ARHGAP26: variants seen among roughly 807,000 people sequenced by gnomAD.
ARHGAP26 encodes the protein Rho GTPase activating protein 26.
A neutral mutation model predicts 104.8 loss-of-function variants in ARHGAP26; 38 were observed. The ratio of observed to expected loss-of-function variants is 0.36; its 90% confidence interval spans 0.28 to 0.48. The LOEUF is 0.48. ARHGAP26 is among the 20% of genes least tolerant of loss of function. The pLI, the probability that ARHGAP26 is intolerant of heterozygous loss-of-function variation, is 0.99. For synonymous variants in ARHGAP26, 341 were observed against 340.0 expected, an observed-to-expected ratio of 1.00 and a Z score of -0.03; for missense variants, 704 against 947.9, an observed-to-expected ratio of 0.74 and a Z score of 3.38.
intron 1 of ARHGAP26, among the ~76,000 whole-genome samples, chr5:142,838,416 A>G (rs1038672766): frequency 6.6e-6 from 1 of 152,174 alleles, no homozygotes; most frequent in African/African-American, 2.4e-5. Flanking sequence ...ATACAAAGGA[A>G]GTTAATTTTA....
At chr5:143,023,929 C>G (rs1780683064) in intron 12 of ARHGAP26, among the ~76,000 whole-genome samples, 1 of 152,228 alleles carries the variant, frequency 6.6e-6, no homozygotes. Context: ...CATGCAGTTT[C>G]CGTGGCCACC....
chr5:143,149,660 G>T (rs144939960), intron 20 of ARHGAP26, among the ~76,000 whole-genome samples: 1 of 152,138 alleles, frequency 6.6e-6, no homozygotes, highest in African/African-American at 2.4e-5. Context: ...CACCTGAGAC[G>T]ACTTGGGTCT....
chr5:142,819,350 A>G (rs1195341856), intron 1 of ARHGAP26, among the ~76,000 whole-genome samples: 1 of 152,184 alleles, frequency 6.6e-6, no homozygotes, highest in Non-Finnish European at 1.5e-5. Flanking sequence ...GGCATGTTTC[A>G]TCTCACTGAT....
chr5:143,070,790 G>A (rs777673618), intron 17 of ARHGAP26, among the ~76,000 whole-genome samples: 1 of 152,012 alleles, frequency 6.6e-6, no homozygotes, highest in Non-Finnish European at 1.5e-5. Flanking sequence ...TGCACCTGTA[G>A]TCCCAGCTAC....
At chr5:143,135,024 G>C (rs918677259) in intron 19 of ARHGAP26, among the ~76,000 whole-genome samples, 2 of 152,218 alleles carry the variant, frequency 1.3e-5, no homozygotes, top group African/African-American at 4.8e-5. Flanking sequence ...TATAAGCATG[G>C]GACCTTGGCT....
chr5:142,955,136 TGC>T (rs1210733046), intron 11 of ARHGAP26, among the ~76,000 whole-genome samples: 1 of 120,654 alleles, frequency 8.3e-6, no homozygotes, highest in Non-Finnish European at 1.8e-5. Context: ...CCCCCATCTC[TGC>T]ACACACACAC....
intron 20 of ARHGAP26, among the ~76,000 whole-genome samples, chr5:143,150,005 T>C (rs896663524): frequency 9.2e-5 from 14 of 152,230 alleles, no homozygotes; most frequent in African/African-American, 3.4e-4. Context: ...TTACTAATCT[T>C]TCCTAATTCT....
At chr5:143,211,805 C>T (rs955322345) in intron 21 of ARHGAP26, among the ~76,000 whole-genome samples, 1 of 152,070 alleles carries the variant, frequency 6.6e-6, no homozygotes, top group Non-Finnish European at 1.5e-5. Context: ...AAGCAATCCT[C>T]CCACCTCCCA....
intron 17 of ARHGAP26, among the ~76,000 whole-genome samples, chr5:143,071,904 C>G (rs1411753090): frequency 6.6e-6 from 1 of 151,990 alleles, no homozygotes; most frequent in Non-Finnish European, 1.5e-5. Flanking sequence ...GACTCCATCT[C>G]AAAAAACAAA....
intron 17 of ARHGAP26, among the ~76,000 whole-genome samples, chr5:143,099,509 G>A (rs1792905803): frequency 1.3e-5 from 2 of 152,168 alleles, no homozygotes; most frequent in Admixed American, 1.3e-4. Context: ...CTACTTTCTA[G>A]CACAGGGATT....
rs1262800987 is a variant in ARHGAP26 at position 142,991,339 on chromosome 5, C to T, written c.1108-22741C>T. 2.6e-5 allele frequency among the ~76,000 whole-genome samples: 4 copies of T among 152,162 alleles called. No homozygotes were observed. In the East Asian group the frequency reaches 5.8e-4, roughly 22 times the overall value. The stretch of plus-strand genomic sequence containing the variant: ...GCGCAGTATTAGGGTGGGAGTGTCT[C>T]GATTTTCCAGGTACCATCTGTCACA... On this transcript the variant is annotated intron_variant, in intron 11 of 22. Transcript: ENST00000645722.
At position 142,969,058 on chromosome 5, in the gene ARHGAP26, A is replaced by G. The variant is rs146490678; in HGVS notation, c.1107+36933A>G. On this transcript the variant is annotated intron_variant, in intron 11 of 22. Coordinates refer to ENST00000645722, the MANE Select transcript of ARHGAP26 (RefSeq NM_001135608.3). ...GTGATCCTCCTGCCTCAGCCTCCCAATTAGCTAGGACCACAGGTGTGCACC... is the reference window on the plus strand; with the variant it reads ...GTGATCCTCCTGCCTCAGCCTCCCAGTTAGCTAGGACCACAGGTGTGCACC... Among the ~76,000 whole-genome samples the G allele has an allele frequency of 1.4e-3, 210 of 152,268 alleles. 1 individual carries two copies. Among genetic ancestry groups the G allele is most frequent in the African/African-American group, 4.6e-3 (191 of 41,552 alleles).
At chr5:143,123,204 G>A (rs1325449328) in intron 18 of ARHGAP26, among the ~76,000 whole-genome samples, 1 of 152,212 alleles carries the variant, frequency 6.6e-6, no homozygotes, top group African/African-American at 2.4e-5. Context: ...CAAAGTCATG[G>A]TATTTGACTT....
intron 11 of ARHGAP26, among the ~76,000 whole-genome samples, chr5:142,936,798 G>A (rs1444088926): frequency 6.7e-6 from 1 of 149,490 alleles, no homozygotes; most frequent in Non-Finnish European, 1.5e-5. Context: ...GAGAAATGGT[G>A]CTTTTTAGAA....
rs151130911 is a variant in ARHGAP26 at position 143,082,153 on chromosome 5, T to C, written c.1538+24406T>C. 1.4e-3 allele frequency among the ~76,000 whole-genome samples: 212 copies of C among 152,344 alleles called. 1 individual carries two copies. Among genetic ancestry groups the C allele is most frequent in the African/African-American group, 5.0e-3 (207 of 41,584 alleles). ...GTCTTGCTTTGCTATTTATAACTTC[T>C]GTTTAGTATCTGTTGCTGGCTCTTA... On this transcript the variant is annotated intron_variant, in intron 17 of 22. Coordinates refer to ENST00000645722, the MANE Select transcript of ARHGAP26 (RefSeq NM_001135608.3).
At chr5:143,087,636 CTTTTTTTTT>C (rs35201189) in intron 17 of ARHGAP26, among the ~76,000 whole-genome samples, 36 of 51,566 alleles carry the variant, frequency 7.0e-4, no homozygotes, top group South Asian at 2.3e-3. Flanking sequence ...CTGGCCCATT[CTTTTTTTTT>C]TTTTTTTTTT....
intron 1 of ARHGAP26, among the ~76,000 whole-genome samples, chr5:142,835,206 A>G (rs1287805093): frequency 6.6e-6 from 1 of 152,186 alleles, no homozygotes; most frequent in Non-Finnish European, 1.5e-5. Context: ...TATCTCATGA[A>G]GTGATTTGAA....
At chr5:142,905,241 A>G (rs1369237552) in intron 8 of ARHGAP26, among the ~76,000 whole-genome samples, 1 of 152,180 alleles carries the variant, frequency 6.6e-6, no homozygotes, top group Non-Finnish European at 1.5e-5. Flanking sequence ...TCACTTACAT[A>G]TATAAAATCA....
At chr5:143,201,069 T>G (rs1234554683) in intron 20 of ARHGAP26, among the ~76,000 whole-genome samples, 1 of 152,266 alleles carries the variant, frequency 6.6e-6, no homozygotes, top group African/African-American at 2.4e-5. Flanking sequence ...TCTTTCACTG[T>G]CCAGTGAATT....
Sources: gnomAD v4.1 joint callset for allele counts (sites outside exome capture counted in the v4.1 genomes callset) on GRCh38, gnomAD v4.1.1 for gene constraint, MANE v1.5 for transcripts, NCBI Gene and HGNC (gene_info 2026-07-23, HGNC 2026-07-21) for gene names.